The following CNTNAP5 variants were observed in gnomAD, a reference collection of about 807,000 sequenced individuals.
CNTNAP5 encodes the protein contactin associated protein family member 5.
Under a neutral mutation model 150.2 loss-of-function variants are expected in CNTNAP5, and 72 were observed. The ratio of observed to expected loss-of-function variants is 0.48; its 90% confidence interval spans 0.40 to 0.58. The LOEUF is 0.58. Among genes scored for constraint, CNTNAP5 ranks in the 20% least tolerant of loss-of-function variants. The pLI is 0.00. For synonymous variants in CNTNAP5, 672 were observed against 619.8 expected, an observed-to-expected ratio of 1.08 and a Z score of -1.25; for missense variants, 1,636 against 1,626.2, an observed-to-expected ratio of 1.01 and a Z score of -0.10.
chr2:124,762,670 A>G (rs1680983569), intron 14 of CNTNAP5, among the ~76,000 whole-genome samples: 2 of 152,140 alleles, frequency 1.3e-5, no homozygotes, highest in South Asian at 4.1e-4. Context: ...TAACACAGCT[A>G]GGACCTGGGG....
At chr2:124,052,977 C>T (rs1375105108) in intron 1 of CNTNAP5, among the ~76,000 whole-genome samples, 4 of 152,096 alleles carry the variant, frequency 2.6e-5, no homozygotes, top group Admixed American at 6.5e-5. Flanking sequence ...TTCAGAAAGT[C>T]GTCCAGAAAG....
At chr2:124,363,395 A>G (rs1690272316) in intron 3 of CNTNAP5, among the ~76,000 whole-genome samples, 1 of 152,066 alleles carries the variant, frequency 6.6e-6, no homozygotes, top group Admixed American at 6.6e-5. Flanking sequence ...CTCCTTCTTA[A>G]CATCTCCCTG....
intron 19 of CNTNAP5, among the ~76,000 whole-genome samples, chr2:124,818,783 T>G (rs750513839): frequency 6.6e-6 from 1 of 152,118 alleles, no homozygotes. Flanking sequence ...AGAGACCAAC[T>G]GCATTTCTCC....
intron 12 of CNTNAP5, among the ~76,000 whole-genome samples, chr2:124,626,875 G>A (rs979835041): frequency 6.6e-6 from 1 of 152,042 alleles, no homozygotes; most frequent in Non-Finnish European, 1.5e-5. Context: ...CCGGTGGGAG[G>A]AGTGACCATC....
intron 3 of CNTNAP5, among the ~76,000 whole-genome samples, chr2:124,268,466 G>A (rs1172463443): frequency 6.6e-6 from 1 of 152,194 alleles, no homozygotes; most frequent in East Asian, 1.9e-4. Context: ...CAGTGATGTA[G>A]TGCTCTTCTG....
At chr2:124,203,406 A>T (rs1685776871) in intron 1 of CNTNAP5, among the ~76,000 whole-genome samples, 1 of 152,048 alleles carries the variant, frequency 6.6e-6, no homozygotes, top group East Asian at 1.9e-4. Context: ...AAGCTGTTGG[A>T]GGATCTACCA....
chr2:124,548,645 T>TA (rs1558949223), intron 10 of CNTNAP5, among the ~76,000 whole-genome samples: 1 of 151,508 alleles, frequency 6.6e-6, no homozygotes, highest in South Asian at 2.1e-4. Flanking sequence ...ACAAAACAGT[T>TA]AAAAAAAGGA....
At chr2:124,048,011 T>C (rs954541834) in intron 1 of CNTNAP5, among the ~76,000 whole-genome samples, 1 of 152,220 alleles carries the variant, frequency 6.6e-6, no homozygotes, top group Non-Finnish European at 1.5e-5. Flanking sequence ...CTTAGCTCCG[T>C]CATAAACATT....
At chr2:124,614,628 G>C (rs894090554) in intron 12 of CNTNAP5, among the ~76,000 whole-genome samples, 12 of 152,104 alleles carry the variant, frequency 7.9e-5, no homozygotes. Flanking sequence ...GCTCTGGCGG[G>C]AGTGTCTCTT....
intron 13 of CNTNAP5, among the ~76,000 whole-genome samples, chr2:124,696,207 G>A (rs977001810): frequency 6.6e-6 from 1 of 152,142 alleles, no homozygotes; most frequent in Admixed American, 6.5e-5. Context: ...TTACTGGAGT[G>A]AAGTTTGGAA....
At chr2:124,505,474 A>G (rs1050040891) in intron 8 of CNTNAP5, among the ~76,000 whole-genome samples, 2 of 152,136 alleles carry the variant, frequency 1.3e-5, no homozygotes, top group Non-Finnish European at 1.5e-5. Context: ...GTATACATAT[A>G]TATTTTAAAT....
chr2:124,690,540 T>C (rs1308166781), intron 13 of CNTNAP5, among the ~76,000 whole-genome samples: 1 of 152,102 alleles, frequency 6.6e-6, no homozygotes, highest in African/African-American at 2.4e-5. Context: ...AATTCTTACC[T>C]ACCAGGTAAA....
intron 14 of CNTNAP5, among the ~76,000 whole-genome samples, chr2:124,757,090 C>T (rs1469864674): frequency 1.3e-5 from 2 of 152,116 alleles, no homozygotes; most frequent in Non-Finnish European, 2.9e-5. Flanking sequence ...GGTTCCTTCT[C>T]CCCAAAATAG....
At chr2:124,615,253 T>A (rs897895337) in intron 12 of CNTNAP5, among the ~76,000 whole-genome samples, 2 of 152,240 alleles carry the variant, frequency 1.3e-5, no homozygotes, top group Non-Finnish European at 2.9e-5. Context: ...AGTGTGTAAT[T>A]TTGTTTGATA....
chr2:124,686,920 A>C (rs1312022948), intron 13 of CNTNAP5, among the ~76,000 whole-genome samples: 1 of 152,178 alleles, frequency 6.6e-6, no homozygotes, highest in Non-Finnish European at 1.5e-5. Context: ...AGCACTGCCC[A>C]ATAGAACTTC....
chr2:124,303,349 G>A (rs891496277), intron 3 of CNTNAP5, among the ~76,000 whole-genome samples: 4 of 152,146 alleles, frequency 2.6e-5, no homozygotes, highest in African/African-American at 7.2e-5. Flanking sequence ...TTTCTAAATG[G>A]TGAGTTTCAA....
chr2:124,251,643 A>C (rs919403663), intron 3 of CNTNAP5, among the ~76,000 whole-genome samples: 4 of 152,106 alleles, frequency 2.6e-5, no homozygotes, highest in Non-Finnish European at 5.9e-5. Context: ...GAATGTGGAA[A>C]TTTCCTGTCA....
chr2:124,818,533 T>TA (rs1168535794), intron 19 of CNTNAP5, among the ~76,000 whole-genome samples: 5 of 151,898 alleles, frequency 3.3e-5, no homozygotes, highest in Admixed American at 6.6e-5. Context: ...ACCTGTCTCT[T>TA]AAAAAAAATA....
chr2:124,523,481 GT>G (rs1694895960), intron 8 of CNTNAP5, among the ~76,000 whole-genome samples: 1 of 152,190 alleles, frequency 6.6e-6, no homozygotes, highest in Non-Finnish European at 1.5e-5. Context: ...AAAGGAAATA[GT>G]TGAAACCTCA....
Sources: allele counts gnomAD v4.1 joint callset (sites outside exome capture counted in the v4.1 genomes callset), GRCh38; gene constraint gnomAD v4.1.1; transcripts MANE v1.5; gene names NCBI Gene and HGNC (gene_info 2026-07-23, HGNC 2026-07-21).